PITPNM3: variants seen among roughly 807,000 people sequenced by gnomAD.
PITPNM3 encodes the protein membrane-associated phosphatidylinositol transfer protein 3.
In PITPNM3, 26 loss-of-function variants were observed where a neutral mutation model predicts 102.0. The ratio of observed to expected loss-of-function variants is 0.25; its 90% CI spans 0.19 to 0.35. The LOEUF (loss-of-function observed/expected upper bound fraction) is 0.35, where lower values mean the gene tolerates loss of function less well. Ranked by LOEUF, PITPNM3 falls within the 10% of genes least tolerant of loss-of-function variation. PITPNM3 has a pLI of 1.00. For missense variants in PITPNM3, 1,083 were observed against 1,346.1 expected, an observed-to-expected ratio of 0.80 and a Z score of 3.06; for synonymous variants, 578 against 558.6, an observed-to-expected ratio of 1.03 and a Z score of -0.49.
Position 6,472,608 on chromosome 17 carries a change from G to T in PITPNM3, c.1429+49C>A. ...GAGCTTGGAGGGGTTGAATGGGCTG[G>T]GGCCCCACCTCCAGCTCAGCACACT... is the stretch of plus-strand genomic sequence containing the variant. On this transcript the variant is annotated intron_variant, in intron 11 of 19. Coordinates refer to ENST00000262483, the MANE Select transcript of PITPNM3 (RefSeq NM_031220.4). The surrounding 1 kb of genome is among the most constrained non-coding windows in gnomAD (Gnocchi z 4.1). The T allele has an allele frequency of 6.3e-7, 1 of 1,584,100 alleles. No homozygotes were observed. Among genetic ancestry groups the T allele is most frequent in the African/African-American group, 1.3e-5 (1 of 74,238 alleles).
intron 3 of PITPNM3, among the ~76,000 whole-genome samples, chr17:6,516,081 G>A (rs1417230988): frequency 6.6e-6 from 1 of 152,192 alleles, no homozygotes; most frequent in Non-Finnish European, 1.5e-5. Flanking sequence ...GCTGAGGCAG[G>A]AGAATGAGAC....
In PITPNM3 at chr17:6,470,377, G is replaced by A. The variant is rs146087433; in HGVS notation, c.1656C>T (p.Ile552=). Residue 552 remains isoleucine, a synonymous_variant, in exon 13 of 20, where the codon ATC becomes ATT. Coordinates refer to ENST00000262483, the MANE Select transcript of PITPNM3 (RefSeq NM_031220.4). This position sits in a 1 kb window ranked among gnomAD's most constrained non-coding sequence, Gnocchi z 4.8. ...ITAKWWGSKR[I]DYALYCPDVL... is the part of the protein sequence containing the mutation. Reference sequence around the variant, plus strand: ...CATCAGGGCAGTACAGGGCATAGTCGATCCTCTTGCTTCCCCACCACTTGG... The same window carrying A: ...CATCAGGGCAGTACAGGGCATAGTCAATCCTCTTGCTTCCCCACCACTTGG... The A allele has an allele frequency of 5.6e-6, 9 of 1,614,190 alleles. No individual in the cohort carries two copies. The highest frequency in any genetic ancestry group is 4.0e-5 in the African/African-American group (3 of 75,064).
At chr17:6,490,608 C>T (rs1422091829) in intron 4 of PITPNM3, among the ~76,000 whole-genome samples, 1 of 152,024 alleles carries the variant, frequency 6.6e-6, no homozygotes, top group Admixed American at 6.6e-5. Flanking sequence ...GCGTTGATTC[C>T]TAGGCAAGTC....
Position 6,533,585 on chromosome 17 carries a change from G to C in PITPNM3, c.118+4402C>G, listed in dbSNP as rs139825532. On this transcript the variant is annotated intron_variant, in intron 2 of 19. Transcript: ENST00000262483. ...TTCTCCTGCCTCAGTCTCCTGAGTA[G>C]CTGGGATTACAGGTGTGTGTCACCA... Among the ~76,000 whole-genome samples, 619 of 152,112 alleles carry C rather than the reference G, an allele frequency of 4.1e-3. 6 individuals carry two copies. The highest frequency in any genetic ancestry group is 0.014 in the African/African-American group (568 of 41,490).
intron 3 of PITPNM3, among the ~76,000 whole-genome samples, chr17:6,524,492 A>C (rs1908715448): frequency 6.6e-6 from 1 of 152,182 alleles, no homozygotes; most frequent in Non-Finnish European, 1.5e-5. Context: ...CTCTGAGCTC[A>C]GTTTCCCATA....
At position 6,458,368 on chromosome 17, in the gene PITPNM3, C is replaced by T. The variant is rs955583525; in HGVS notation, c.2491-646G>A. 1.3e-5 allele frequency among the ~76,000 whole-genome samples: 2 copies of T among 152,122 alleles called. No homozygotes were observed. The highest frequency in any genetic ancestry group is 1.3e-4 in the Admixed American group (2 of 15,276). ...CCTGTCACTGTCATCTTCTTTTTCTCCCACTCACACTCCTCTCAAGCCATT... is the reference window on the plus strand; with the variant it reads ...CCTGTCACTGTCATCTTCTTTTTCTTCCACTCACACTCCTCTCAAGCCATT... On this transcript the variant is annotated intron_variant, in intron 18 of 19. Coordinates refer to ENST00000262483, the MANE Select transcript of PITPNM3 (RefSeq NM_031220.4). This position sits in a 1 kb window ranked among gnomAD's most constrained non-coding sequence, Gnocchi z 5.1.
At chr17:6,487,826 G>A (rs1402534206) in intron 4 of PITPNM3, among the ~76,000 whole-genome samples, 4 of 152,212 alleles carry the variant, frequency 2.6e-5, no homozygotes, top group African/African-American at 9.6e-5. Context: ...ACGATGTTGA[G>A]GCCGTGCCTG....
At chr17:6,512,898 A>C (rs1268346855) in intron 3 of PITPNM3, among the ~76,000 whole-genome samples, 1 of 152,150 alleles carries the variant, frequency 6.6e-6, no homozygotes, top group African/African-American at 2.4e-5. Context: ...CCTAGAAGAG[A>C]TATATAAACC....
At chr17:6,460,916 G>A (rs769376668) in intron 18 of PITPNM3, 29 of 258,940 alleles carry the variant, frequency 1.1e-4, no homozygotes, top group Non-Finnish European at 1.7e-4. Flanking sequence ...CCGAGTTTCC[G>A]AGTTTCCTGG....
At chr17:6,474,381 TG>T in intron 10 of PITPNM3, 50 bp downstream of exon 10, 1 of 1,582,036 alleles carries the variant, frequency 6.3e-7, no homozygotes, top group Non-Finnish European at 8.7e-7. Context: ...CCTGACACGG[TG>T]GCCCTAGTGA....
chr17:6,519,868 G>A (rs1458765154), intron 3 of PITPNM3, among the ~76,000 whole-genome samples: 2 of 151,964 alleles, frequency 1.3e-5, no homozygotes, highest in Non-Finnish European at 2.9e-5. Flanking sequence ...TGTAAATGAT[G>A]TGATGCTGTA....
intron 17 of PITPNM3, among the ~76,000 whole-genome samples, chr17:6,462,614 G>C (rs1389735035): frequency 1.3e-5 from 2 of 152,274 alleles, no homozygotes; most frequent in Non-Finnish European, 2.9e-5. Context: ...AGCTCTGGTT[G>C]GCTGACTTCA....
In PITPNM3 at chr17:6,470,560, A is replaced by T; in HGVS notation, c.1625-152T>A. 1.0e-6 allele frequency: 1 copy of T among 971,592 alleles called. No individual in the cohort carries two copies. Among genetic ancestry groups the T allele is most frequent in the East Asian group, 2.6e-5 (1 of 38,926 alleles). The allele number at this position is 971,592 out of a possible 1,614,324, so 60.2% of individuals were successfully genotyped here. A position where few individuals can be genotyped will look rare whatever the true frequency, so the allele number is the denominator to read the frequency against. ...ACCCTGGCCTGGAGGAGGCCTGGGG[A>T]ACGCGCTGCTCTTCCTCCTTCCTTC... On this transcript the variant is annotated intron_variant, in intron 12 of 19. Transcript: ENST00000262483. This position sits in a 1 kb window ranked among gnomAD's most constrained non-coding sequence, Gnocchi z 4.8.
intron 4 of PITPNM3, among the ~76,000 whole-genome samples, chr17:6,495,073 T>A (rs917787969): frequency 6.6e-6 from 1 of 152,104 alleles, no homozygotes; most frequent in East Asian, 1.9e-4. Flanking sequence ...TATAAAAATA[T>A]ATATAAATGC....
At chr17:6,526,935 G>C (rs1426425901) in intron 2 of PITPNM3, among the ~76,000 whole-genome samples, 2 of 152,164 alleles carry the variant, frequency 1.3e-5, no homozygotes, top group African/African-American at 4.8e-5. Flanking sequence ...ACTCCAGCCA[G>C]GCACCACACA....
chr17:6,501,537 C>T (rs1459263765), intron 4 of PITPNM3, among the ~76,000 whole-genome samples: 1 of 152,164 alleles, frequency 6.6e-6, no homozygotes, highest in Non-Finnish European at 1.5e-5. Context: ...AGCCTAGAGC[C>T]CAGAGCCCTC....
At chr17:6,542,769 C>A (rs938061256) in intron 1 of PITPNM3, among the ~76,000 whole-genome samples, 1 of 152,240 alleles carries the variant, frequency 6.6e-6, no homozygotes, top group Non-Finnish European at 1.5e-5. Context: ...GAGGGGCTTC[C>A]AGGCAGCTGC....
intron 12 of PITPNM3, 70 bp downstream of exon 12, chr17:6,471,090 GC>G: frequency 6.4e-7 from 1 of 1,557,350 alleles, no homozygotes; most frequent in South Asian, 1.1e-5. Context: ...TCTAGCAGTG[GC>G]CCAGCAAACA....
chr17:6,527,841 A>C (rs1043524660), intron 2 of PITPNM3, among the ~76,000 whole-genome samples: 167 of 152,288 alleles, frequency 1.1e-3, no homozygotes, highest in African/African-American at 3.8e-3. Context: ...AGCACATCCT[A>C]GCTTTCTTCT....
Sources: gnomAD v4.1 joint callset for allele counts (sites outside exome capture counted in the v4.1 genomes callset) on GRCh38, gnomAD v4.1.1 for gene constraint, Gnocchi (gnomAD v3.1) non-coding constraint, MANE v1.5 for transcripts, NCBI Gene and HGNC (gene_info 2026-07-23, HGNC 2026-07-21) for gene names.